The following GRAMD2B variants were observed in gnomAD, a reference collection of about 807,000 sequenced individuals.
GRAMD2B encodes the protein GRAM domain containing 2B, also known as GRAM domain-containing protein 2B.
In GRAMD2B, 41 loss-of-function variants were observed where a neutral mutation model predicts 59.2. That is an observed-to-expected ratio of 0.69 (90% CI 0.54 to 0.90). GRAMD2B has a LOEUF of 0.90. Among genes scored for constraint, GRAMD2B ranks in the 40% least tolerant of loss-of-function variants. The pLI is 0.00. For synonymous variants in GRAMD2B, 161 were observed against 182.7 expected (o/e 0.88, Z 0.96); for missense variants, 424 against 500.5 (o/e 0.85, Z 1.46).
At chr5:126,490,354 GC>G (rs1169888050) in intron 13 of GRAMD2B, 2 of 149,044 alleles carry the variant, frequency 1.3e-5, no homozygotes, top group African/African-American at 4.9e-5. Context: ...CTCCCGCTGG[GC>G]CTGGCCGGGA....
At chr5:126,383,016 A>G (rs1755795014) in intron 1 of GRAMD2B, among the ~76,000 whole-genome samples, 1 of 152,118 alleles carries the variant, frequency 6.6e-6, no homozygotes. Context: ...GATACTGAGG[A>G]ATGTCTGCAA....
At chr5:126,423,405 G>A (rs1759976421), upstream of GRAMD2B, 1 of 1,369,018 alleles carries the variant, frequency 7.3e-7, no homozygotes, top group Non-Finnish European at 9.4e-7. Flanking sequence ...CAGTGGGTCG[G>A]ACCAATCGCG....
intron 13 of GRAMD2B, among the ~76,000 whole-genome samples, chr5:126,490,642 G>T (rs73785326): frequency 6.6e-6 from 1 of 152,112 alleles, no homozygotes; most frequent in African/African-American, 2.4e-5. Context: ...GGCCACACCC[G>T]TGCTCTTTTT....
chr5:126,487,481 T>C (rs1002419568), intron 12 of GRAMD2B, among the ~76,000 whole-genome samples: 8 of 152,224 alleles, frequency 5.3e-5, no homozygotes, highest in African/African-American at 1.9e-4. Flanking sequence ...TTTTTTAACA[T>C]GCCTGGCCTA....
chr5:126,478,978 A>G lies in GRAMD2B; in HGVS notation c.582+1191A>G, dbSNP rs13153962. On this transcript the variant is annotated intron_variant, in intron 6 of 13. Coordinates refer to ENST00000285689, the MANE Select transcript of GRAMD2B (RefSeq NM_023927.4). ...GCTTTACTAACAGCTTGCCTAAACT[A>G]CCTTCTATATAGAAATTCCAGAGCT... Among the ~76,000 whole-genome samples, 62 of 152,280 alleles carry G rather than the reference A, an allele frequency of 4.1e-4. 2 individuals carry two copies. The South Asian group carries it at 0.01, about 25-fold the overall frequency.
chr5:126,383,305 AC>A (rs1259571012), intron 1 of GRAMD2B, among the ~76,000 whole-genome samples: 1 of 152,238 alleles, frequency 6.6e-6, no homozygotes, highest in Non-Finnish European at 1.5e-5. Context: ...TTTCATAAAA[AC>A]AAAACCAGGC....
At chr5:126,429,282 A>G (rs1761155090) in intron 1 of GRAMD2B, among the ~76,000 whole-genome samples, 1 of 152,214 alleles carries the variant, frequency 6.6e-6, no homozygotes, top group Non-Finnish European at 1.5e-5. Flanking sequence ...CAAATGCAGG[A>G]ACAAAAAACG....
chr5:126,438,125 C>A (rs550272969), intron 1 of GRAMD2B, among the ~76,000 whole-genome samples: 1 of 152,312 alleles, frequency 6.6e-6, no homozygotes, highest in Non-Finnish European at 1.5e-5. Context: ...GTTCTCCTAG[C>A]CCATCAGCCC....
At chr5:126,414,869 C>CCTCT (rs1461225013) in intron 1 of GRAMD2B, among the ~76,000 whole-genome samples, 1 of 151,792 alleles carries the variant, frequency 6.6e-6, no homozygotes, top group Non-Finnish European at 1.5e-5. Context: ...CAATAACTAC[C>CCTCT]CTCTCCTCAT....
chr5:126,367,525 C>T (rs545143758), upstream of GRAMD2B, among the ~76,000 whole-genome samples: 13 of 151,806 alleles, frequency 8.6e-5, no homozygotes, highest in South Asian at 2.7e-3. Context: ...GCATGAATTC[C>T]GCACCTCCCA....
intron 2 of GRAMD2B, among the ~76,000 whole-genome samples, chr5:126,468,653 A>T (rs1173185575): frequency 1.3e-5 from 2 of 151,664 alleles, no homozygotes; most frequent in African/African-American, 4.8e-5. Context: ...ATGCCCAGCT[A>T]ATTTTTGTAT....
upstream of GRAMD2B, among the ~76,000 whole-genome samples, chr5:126,368,028 G>T (rs1254865287): frequency 1.3e-5 from 2 of 152,218 alleles, no homozygotes; most frequent in African/African-American, 4.8e-5. Context: ...TGGGATTACA[G>T]GCGTGAGCCA....
At chr5:126,472,329 T>G in intron 4 of GRAMD2B, 25 bp downstream of exon 4, 1 of 1,588,506 alleles carries the variant, frequency 6.3e-7, no homozygotes, top group Non-Finnish European at 8.6e-7. Context: ...GTTTGACTTT[T>G]TAAGCTACAT....
intron 3 of GRAMD2B, 25 bp from the exon 4 acceptor site, chr5:126,472,213 T>G: frequency 6.3e-7 from 1 of 1,577,158 alleles, no homozygotes; most frequent in Non-Finnish European, 8.7e-7. Context: ...AGAATGGTGA[T>G]GCTTGTATTT....
chr5:126,420,054 CA>C (rs386404926), upstream of GRAMD2B, among the ~76,000 whole-genome samples: 2 of 103,702 alleles, frequency 1.9e-5, no homozygotes, highest in South Asian at 3.6e-4. Flanking sequence ...GACTCTTTCT[CA>C]AAAAAAAAAA....
intron 1 of GRAMD2B, among the ~76,000 whole-genome samples, chr5:126,372,047 G>T (rs760687333): frequency 1.3e-5 from 2 of 152,042 alleles, no homozygotes; most frequent in African/African-American, 2.4e-5. Flanking sequence ...AGTACTTACT[G>T]CATAGTGATT....
At chr5:126,391,913 T>A (rs1400226200) in intron 1 of GRAMD2B, among the ~76,000 whole-genome samples, 1 of 152,208 alleles carries the variant, frequency 6.6e-6, no homozygotes, top group Non-Finnish European at 1.5e-5. Context: ...GTGAATTATA[T>A]CTCAATAAAA....
intron 1 of GRAMD2B, among the ~76,000 whole-genome samples, chr5:126,423,975 A>T (rs534966480): frequency 6.6e-6 from 1 of 152,366 alleles, no homozygotes; most frequent in East Asian, 1.9e-4. Flanking sequence ...GCCTAACCAC[A>T]TTGAAGCTCA....
chr5:126,411,030 T>A (rs1438281369), intron 1 of GRAMD2B, among the ~76,000 whole-genome samples: 5 of 152,072 alleles, frequency 3.3e-5, no homozygotes, highest in African/African-American at 9.6e-5. Context: ...AGATGCATAG[T>A]TTGTGAGCAT....
Sources: gnomAD v4.1 joint callset for allele counts (sites outside exome capture counted in the v4.1 genomes callset) on GRCh38, gnomAD v4.1.1 for gene constraint, MANE v1.5 for transcripts, NCBI Gene and HGNC (gene_info 2026-07-23, HGNC 2026-07-21) for gene names.